RYR1: variants seen among roughly 807,000 people sequenced by gnomAD.
RYR1 encodes ryanodine receptor 1, also known as central core disease of muscle.
In RYR1, 342 loss-of-function variants were observed where a neutral mutation model predicts 583.5. The observed-to-expected ratio is 0.59, with a 90% CI of 0.54 to 0.64. RYR1 has a LOEUF of 0.64. Ranked by LOEUF, RYR1 falls within the 30% of genes least tolerant of loss-of-function variation. RYR1 has a pLI of 0.00. For missense variants in RYR1, 6,032 were observed against 6,917.2 expected, an observed-to-expected ratio of 0.87 and a Z score of 4.54; for synonymous variants, 2,791 against 2,822.5, an observed-to-expected ratio of 0.99 and a Z score of 0.35.
chr19:38,494,287 T>C, intron 38 of RYR1, 65 bp from the exon 39 acceptor site: 1 of 1,601,850 alleles, frequency 6.2e-7, no homozygotes, highest in South Asian at 1.1e-5. Flanking sequence ...ATTGTTCTGG[T>C]CCAAGGCCCC....
rs767810667 is a variant in RYR1, at chr19:38,565,022, A to T, written c.12688A>T (p.Met4230Leu). Reference protein sequence around the residue: ...VVNEGGEAEKMELFVSFCEDT... With the variant: ...VVNEGGEAEKLELFVSFCEDT... ...GAACGAGGGCGGCGAGGCTGAGAAG[A>T]TGGAGCTCTTCGTGAGTTTCTGCGA... Residue 4230 changes from methionine (M) to leucine (L), a missense_variant, in exon 91 of 106, where the codon ATG becomes TTG. Met to Leu is a conservative substitution (Grantham distance 15, BLOSUM62 2). Around this residue, in one of 11 missense-constraint regions of RYR1, gnomAD observed 753 missense variants for 759.6 expected, o/e 0.99. Transcript: ENST00000359596. The surrounding 1 kb of genome is among the most constrained non-coding windows in gnomAD (Gnocchi z 4.7). 9 of 1,589,698 alleles carry T rather than the reference A, an allele frequency of 5.7e-6. No individual in the cohort carries two copies. The highest frequency in any genetic ancestry group is 7.7e-6 in the Non-Finnish European group (9 of 1,168,846).
intron 104 of RYR1, 73 bp downstream of exon 104, chr19:38,586,264 T>G (rs1974484571): frequency 1.4e-6 from 2 of 1,389,822 alleles, no homozygotes; most frequent in African/African-American, 2.9e-5. Flanking sequence ...GGTACTTAGC[T>G]TTGGCCAGTT....
intron 12 of RYR1, among the ~76,000 whole-genome samples, chr19:38,452,592 C>T (rs1250386577): frequency 6.6e-6 from 1 of 151,832 alleles, no homozygotes; most frequent in East Asian, 1.9e-4. Context: ...CCTCTCCATC[C>T]CTGAGTTCCG....
intron 93 of RYR1, among the ~76,000 whole-genome samples, chr19:38,569,074 A>G (rs71356812): frequency 4.6e-5 from 7 of 151,824 alleles, no homozygotes; most frequent in Non-Finnish European, 8.8e-5. Context: ...GCAGTGGCAC[A>G]ATCTCGGCTC....
intron 90 of RYR1, among the ~76,000 whole-genome samples, chr19:38,562,246 A>G (rs1973179465): frequency 6.6e-6 from 1 of 151,910 alleles, no homozygotes; most frequent in Non-Finnish European, 1.5e-5. Context: ...GCCCTATCTC[A>G]GCTCCTCCTA....
intron 101 of RYR1, among the ~76,000 whole-genome samples, chr19:38,581,794 G>C (rs975058369): frequency 1.3e-5 from 2 of 148,652 alleles, no homozygotes; most frequent in African/African-American, 2.4e-5. Flanking sequence ...AGATGGAGGT[G>C]GGGGGGTCTC....
intron 54 of RYR1, 126 bp from the exon 55 acceptor site, chr19:38,506,177 G>A: frequency 3.7e-6 from 4 of 1,071,548 alleles, no homozygotes; most frequent in Non-Finnish European, 5.6e-6. Flanking sequence ...TTAAGGAAAG[G>A]ACAAGGGGTC....
At chr19:38,557,162 T>A (rs1313941848) in intron 89 of RYR1, among the ~76,000 whole-genome samples, 1 of 149,210 alleles carries the variant, frequency 6.7e-6, no homozygotes, top group Non-Finnish European at 1.5e-5. Flanking sequence ...CAAGCGATTC[T>A]CCTGCCTCAG....
chr19:38,546,644 C>G (rs1204186866), intron 88 of RYR1, 118 bp downstream of exon 88: 15 of 828,768 alleles, frequency 1.8e-5, no homozygotes, highest in Non-Finnish European at 2.5e-5. Flanking sequence ...GTGTCAGGAT[C>G]CATGGGTTGA....
intron 88 of RYR1, among the ~76,000 whole-genome samples, chr19:38,547,526 G>A (rs184459428): frequency 1.3e-5 from 2 of 152,066 alleles, no homozygotes; most frequent in Non-Finnish European, 2.9e-5. Context: ...AGTTTTAGTT[G>A]TGTAAGCCCT....
In RYR1 at chr19:38,510,694, A is replaced by G. The variant is rs773147996; in HGVS notation, c.9035A>G (p.Asn3012Ser). 1 of 1,614,058 alleles carries G rather than the reference A, an allele frequency of 6.2e-7. No individual in the cohort carries two copies. Among genetic ancestry groups the G allele is most frequent in the South Asian group, 1.1e-5 (1 of 91,070 alleles). ...LLPLINQYFT[N>S]HCLYFLSTPA... is the part of the protein sequence containing the mutation. ...CCTTTGATCAACCAGTACTTCACCA[A>G]CCACTGCCTCTATTTCTTGTCCACT... The change falls in exon 60 of 106, where the codon AAC becomes AGC. Residue 3012 changes from asparagine to serine, a missense_variant. Physicochemically the swap from Asn to Ser is conservative, Grantham distance 46. Coordinates refer to ENST00000359596, the MANE Select transcript of RYR1 (RefSeq NM_000540.3).
chr19:38,451,292 G>A (rs1050737389), intron 11 of RYR1, among the ~76,000 whole-genome samples: 5 of 152,242 alleles, frequency 3.3e-5, no homozygotes, highest in East Asian at 1.9e-4. Flanking sequence ...GATGAGTTCT[G>A]GGGAGGTCGG....
rs1967157631 is a variant in RYR1 at position 38,452,934 on chromosome 19, C to T, written c.1360C>T (p.Pro454Ser). ...LQDLIIYFEPPSEDLQHEEKQ... is the reference protein window; with the variant it reads ...LQDLIIYFEPSSEDLQHEEKQ... ...GGACCTCATCATCTACTTCGAGCCT[C>T]CCTCCGAGGACTTGCAGCACGAGGA... is the stretch of plus-strand genomic sequence containing the variant. The change falls in exon 13 of 106, where the codon CCC becomes TCC. Residue 454 changes from proline to serine, a missense_variant. Physicochemically the swap from Pro to Ser is moderately conservative, Grantham distance 74. Around this residue, in one of 11 missense-constraint regions of RYR1, gnomAD observed 2,627 missense variants for 2,961.3 expected, o/e 0.89. Transcript: ENST00000359596. 2 of 1,614,012 alleles carry T rather than the reference C, an allele frequency of 1.2e-6. No individual in the cohort carries two copies. The highest frequency in any genetic ancestry group is 1.7e-6 in the Non-Finnish European group (2 of 1,179,896).
intron 33 of RYR1, 48 bp from the exon 34 acceptor site, chr19:38,485,542 C>T: frequency 6.2e-7 from 1 of 1,601,708 alleles, no homozygotes; most frequent in Non-Finnish European, 8.5e-7. Context: ...TTGACTGATG[C>T]AGGAGGCTCA....
chr19:38,499,791 C>A lies in RYR1; in HGVS notation c.7184C>A (p.Pro2395Gln). 6.2e-7 allele frequency: 1 copy of A among 1,604,176 alleles called. No individual in the cohort carries two copies. The highest frequency in any genetic ancestry group is 2.2e-5 in the East Asian group (1 of 44,770). Residue 2395 changes from proline to glutamine, a missense_variant, in exon 44 of 106, where the codon CCA becomes CAA. Transcript: ENST00000359596. The surrounding 1 kb of genome is among the most constrained non-coding windows in gnomAD (Gnocchi z 7.3). Reference sequence around the variant, plus strand: ...TCCGAGGACCCTGCGAGGGATGGCCCAGGCATCCGCAGGGACCGGCGGCGC... The same window carrying A: ...TCCGAGGACCCTGCGAGGGATGGCCAAGGCATCCGCAGGGACCGGCGGCGC... ...RISEDPARDG[P>Q]GIRRDRRREH...
chr19:38,531,579 C>T (rs1971742371), intron 76 of RYR1, among the ~76,000 whole-genome samples: 1 of 152,006 alleles, frequency 6.6e-6, no homozygotes, highest in Non-Finnish European at 1.5e-5. Context: ...CCTTCCATCA[C>T]TCCATTTTAG....
chr19:38,562,869 T>C (rs1973216134), intron 90 of RYR1, among the ~76,000 whole-genome samples: 1 of 152,126 alleles, frequency 6.6e-6, no homozygotes. Context: ...TGGCCCCCGG[T>C]GTCTCCTCAC....
At chr19:38,582,573 C>T (rs115334687) in intron 101 of RYR1, among the ~76,000 whole-genome samples, 1,909 of 152,046 alleles carry the variant, frequency 0.013, 43 homozygotes, top group African/African-American at 0.043. Flanking sequence ...ATTGCTTGAG[C>T]TTAGGAGTTT....
At chr19:38,534,844 T>TCTTCCG in intron 79 of RYR1, 25 bp downstream of exon 79, 1 of 1,589,832 alleles carries the variant, frequency 6.3e-7, no homozygotes, top group Non-Finnish European at 8.6e-7. Flanking sequence ...TGCACTGGAC[T>TCTTCCG]CTTCCGAGTG....
Sources: allele counts gnomAD v4.1 joint callset (sites outside exome capture counted in the v4.1 genomes callset), GRCh38; gene constraint gnomAD v4.1.1; regional missense constraint gnomAD v4.1.1; non-coding constraint Gnocchi (gnomAD v3.1); transcripts MANE v1.5; gene names NCBI Gene and HGNC (gene_info 2026-07-23, HGNC 2026-07-21).